Variants in TTC23L observed in about 807,000 individuals in gnomAD.
TTC23L encodes tetratricopeptide repeat domain 23 like.
In TTC23L, 42 loss-of-function variants were observed where a neutral mutation model predicts 48.1. That is an observed-to-expected ratio of 0.87 (90% CI 0.68 to 1.13). The LOEUF is 1.13. Ranked by LOEUF, TTC23L falls within the 50% of genes most tolerant of loss-of-function variation. The pLI is 0.00. For synonymous variants in TTC23L, 159 were observed against 157.2 expected (o/e 1.01, Z -0.09); for missense variants, 391 against 421.0 (o/e 0.93, Z 0.62).
the TTC23L span, chr5:34,915,485 C>G: frequency 2.4e-6 from 1 of 420,196 alleles, no homozygotes; most frequent in Non-Finnish European, 4.2e-6. Context: ...GAGGCGGCTC[C>G]GAGGAACCGC....
chr5:34,848,044 C>T (rs983557475), intron 3 of TTC23L, among the ~76,000 whole-genome samples: 1 of 152,084 alleles, frequency 6.6e-6, no homozygotes, highest in African/African-American at 2.4e-5. Flanking sequence ...CTTACAGTAA[C>T]TCCATGAGGT....
the TTC23L span, among the ~76,000 whole-genome samples, chr5:34,912,487 T>C: frequency 6.6e-6 from 1 of 152,136 alleles, no homozygotes; most frequent in African/African-American, 2.4e-5. Flanking sequence ...GAACACTGTA[T>C]TAGAAAATGT....
the TTC23L span, chr5:34,905,629 T>G: frequency 6.6e-6 from 1 of 152,132 alleles, no homozygotes; most frequent in Non-Finnish European, 1.5e-5. Context: ...AAGCACCATT[T>G]TACTAGAAAG....
chr5:34,862,855 T>G, intron 4 of TTC23L, 43 bp from the exon 5 acceptor site: 1 of 1,609,766 alleles, frequency 6.2e-7, no homozygotes, highest in Non-Finnish European at 8.5e-7. Context: ...AGCATGCCTT[T>G]TTAATGTCTG....
the TTC23L span, chr5:34,916,519 C>T: frequency 6.6e-6 from 1 of 152,218 alleles, no homozygotes; most frequent in Admixed American, 6.5e-5. Flanking sequence ...GTGACCTCTT[C>T]CTCCTGAAAT....
the TTC23L span, among the ~76,000 whole-genome samples, chr5:34,914,298 TG>T: frequency 6.6e-6 from 1 of 152,230 alleles, no homozygotes; most frequent in Non-Finnish European, 1.5e-5. Flanking sequence ...GTGGGACTGT[TG>T]GCAAATCACT....
intron 4 of TTC23L, among the ~76,000 whole-genome samples, chr5:34,854,386 A>G (rs368823): frequency 0.2 from 31,136 of 152,126 alleles, 3,695 homozygotes; most frequent in African/African-American, 0.31. Context: ...GCTTTCTTTG[A>G]GAATAGCCCA....
At position 34,845,475 on chromosome 5, in the gene TTC23L, T is replaced by C. The variant is rs376952210; in HGVS notation, c.69-12T>C. On this transcript the variant is annotated splice_polypyrimidine_tract_variant and intron_variant, in intron 2 of 10. Transcript: ENST00000505624. ...GTTAAATCCTGAATCCTTGCCTCTC[T>C]CATACCTACAGGTCACAGCAAACCG... 1.2e-6 allele frequency: 2 copies of C among 1,608,316 alleles called. No individual in the cohort carries two copies. The highest frequency in any genetic ancestry group is 2.7e-5 in the African/African-American group (2 of 74,582).
intron 9 of TTC23L, among the ~76,000 whole-genome samples, chr5:34,884,203 C>T (rs1051407171): frequency 1.3e-5 from 2 of 152,100 alleles, no homozygotes; most frequent in Admixed American, 1.3e-4. Context: ...AATTCAATAC[C>T]TTTTCATGAT....
the TTC23L span, among the ~76,000 whole-genome samples, chr5:34,924,088 G>A: frequency 6.6e-6 from 1 of 152,170 alleles, no homozygotes; most frequent in African/African-American, 2.4e-5. Context: ...AATTGCTCTA[G>A]AAGGCATTCA....
the TTC23L span, among the ~76,000 whole-genome samples, chr5:34,910,082 C>T: frequency 2.0e-5 from 3 of 152,196 alleles, no homozygotes; most frequent in South Asian, 4.2e-4. Context: ...ATCTAAATTT[C>T]CAGTCTAAAT....
chr5:34,918,480 C>T, the TTC23L span: 1 of 1,537,216 alleles, frequency 6.5e-7, no homozygotes, highest in Non-Finnish European at 8.9e-7. Flanking sequence ...AAGCAGGTGC[C>T]TTTATATCAT....
chr5:34,901,030 G>A (rs1763496118), downstream of TTC23L, among the ~76,000 whole-genome samples: 2 of 152,120 alleles, frequency 1.3e-5, no homozygotes, highest in African/African-American at 2.4e-5. Context: ...GACTGTGAAT[G>A]GCACCATGTA....
At chr5:34,862,089 C>A (rs1181692144) in intron 4 of TTC23L, among the ~76,000 whole-genome samples, 2 of 152,172 alleles carry the variant, frequency 1.3e-5, no homozygotes, top group African/African-American at 4.8e-5. Context: ...AGCTCCCTCA[C>A]TGCAGTCTAT....
chr5:34,867,474 TTAAAC>T (rs1761152862), intron 7 of TTC23L: 1 of 204,018 alleles, frequency 4.9e-6, no homozygotes, highest in African/African-American at 2.3e-5. Flanking sequence ...CATTTGTACT[TTAAAC>T]TAGTCTAGCT....
chr5:34,911,883 C>T, the TTC23L span: 2 of 1,514,382 alleles, frequency 1.3e-6, no homozygotes, highest in Non-Finnish European at 1.8e-6. Context: ...CGAAATGATA[C>T]ATAAAATTTC....
At chr5:34,876,534 A>G (rs1352258251) in intron 8 of TTC23L, among the ~76,000 whole-genome samples, 3 of 152,242 alleles carry the variant, frequency 2.0e-5, no homozygotes, top group Admixed American at 2.0e-4. Context: ...TTCATGAAAG[A>G]TACAATCTGC....
chr5:34,914,794 A>C, the TTC23L span: 1 of 1,614,132 alleles, frequency 6.2e-7, no homozygotes, highest in Non-Finnish European at 8.5e-7. Flanking sequence ...GGAAATGAAT[A>C]GCTTTCAAGA....
At chr5:34,868,952 T>G in exon 8 of TTC23L, 2 of 1,611,782 alleles carry the variant, frequency 1.2e-6, no homozygotes, top group Non-Finnish European at 1.7e-6. Context: ...GCCCCAAAAC[T>G]GCAGAAATGA....
Sources: allele counts gnomAD v4.1 joint callset (sites outside exome capture counted in the v4.1 genomes callset), GRCh38; gene constraint gnomAD v4.1.1; transcripts MANE v1.5; gene names NCBI Gene and HGNC (gene_info 2026-07-23, HGNC 2026-07-21).